Variants in GRM5 observed in about 807,000 individuals in gnomAD.
GRM5 encodes metabotropic glutamate receptor 5.
In GRM5, 19 loss-of-function variants were observed where a neutral mutation model predicts 83.1. That is an observed-to-expected ratio of 0.23 (90% CI 0.16 to 0.34). The LOEUF is 0.34. GRM5 is among the 10% of genes least tolerant of loss of function. The pLI, the probability that GRM5 is intolerant of heterozygous loss-of-function variation, is 1.00. For synonymous variants in GRM5, 675 were observed against 633.6 expected (o/e 1.07, Z -0.98); for missense variants, 1,160 against 1,588.3 (o/e 0.73, Z 4.58).
Position 88,567,487 on chromosome 11 carries a change from G to C in GRM5, c.2196C>G (p.Ile732Met). Residue 732 changes from isoleucine (I) to methionine (M), a missense_variant, in exon 8 of 10, where the codon ATC (isoleucine) becomes ATG (methionine). By Grantham distance (10) the Ile-to-Met change is conservative. Around this residue, in one of 9 missense-constraint regions of GRM5, gnomAD observed 44 missense variants for 41.0 expected, o/e 1.07. Transcript: ENST00000305447. This position sits in a 1 kb window ranked among gnomAD's most constrained non-coding sequence, Gnocchi z 7.3. The part of the protein sequence containing the change: ...DYPSIREVYL[I>M]CNTTNLGVVT... The stretch of plus-strand genomic sequence containing the variant: ...CAACTCCTAGGTTGGTGGTGTTACA[G>C]ATCAGGTAGACTTCTCGAATGCTTG... 1.9e-6 allele frequency: 3 copies of C among 1,614,088 alleles called. No homozygotes were observed. The highest frequency in any genetic ancestry group is 2.5e-6 in the Non-Finnish European group (3 of 1,179,932).
intron 2 of GRM5, among the ~76,000 whole-genome samples, chr11:89,020,871 G>T (rs1331664030): frequency 1.3e-5 from 2 of 151,938 alleles, no homozygotes; most frequent in African/African-American, 2.4e-5. Flanking sequence ...ATCTTATTTG[G>T]CAGGAAAAAG....
chr11:88,969,930 T>C (rs1199125279), intron 2 of GRM5, among the ~76,000 whole-genome samples: 1 of 152,110 alleles, frequency 6.6e-6, no homozygotes, highest in Non-Finnish European at 1.5e-5. Flanking sequence ...TGCCGTACTT[T>C]TATACATGAT....
intron 8 of GRM5, among the ~76,000 whole-genome samples, chr11:88,561,793 C>G (rs1942760679): frequency 6.6e-6 from 1 of 152,094 alleles, no homozygotes; most frequent in Non-Finnish European, 1.5e-5. Context: ...AAATAAAAAT[C>G]TCCCTTTGCT....
At chr11:88,947,529 TGTTA>T (rs1938320488) in intron 2 of GRM5, among the ~76,000 whole-genome samples, 1 of 151,842 alleles carries the variant, frequency 6.6e-6, no homozygotes, top group Non-Finnish European at 1.5e-5. Flanking sequence ...GTCCTTGCAT[TGTTA>T]GTTTTTTTTT....
intron 9 of GRM5, among the ~76,000 whole-genome samples, chr11:88,523,823 G>A (rs1477351737): frequency 6.6e-6 from 1 of 152,124 alleles, no homozygotes; most frequent in Non-Finnish European, 1.5e-5. Flanking sequence ...GAAAAATGTA[G>A]TTATTATTTT....
intron 3 of GRM5, among the ~76,000 whole-genome samples, chr11:88,717,444 T>G (rs1196091587): frequency 1.3e-5 from 2 of 151,914 alleles, no homozygotes; most frequent in African/African-American, 4.8e-5. Context: ...AAAAACCCTA[T>G]ATACTAGATC....
intron 2 of GRM5, among the ~76,000 whole-genome samples, chr11:88,941,340 T>A (rs1237284189): frequency 6.7e-6 from 1 of 149,368 alleles, no homozygotes; most frequent in Non-Finnish European, 1.5e-5. Context: ...CATAACACAT[T>A]TGAACTTAAA....
chr11:88,677,013 G>A (rs559709844), intron 3 of GRM5, among the ~76,000 whole-genome samples: 74 of 152,152 alleles, frequency 4.9e-4, no homozygotes, highest in African/African-American at 1.7e-3. Flanking sequence ...AACTGTGGAA[G>A]TATGGTTAGA....
In GRM5 at chr11:88,869,125, T is replaced by C. The variant is rs192864803; in HGVS notation, c.662-18970A>G. 2.3e-4 allele frequency among the ~76,000 whole-genome samples: 35 copies of C among 151,810 alleles called. No homozygotes were observed. The East Asian group carries it at 5.8e-3, about 25-fold the overall frequency. Reference sequence around the variant, plus strand: ...CTCTGAAGCAGATGGAAGCAGCCAATGTGGCTCCTTTTTTTCCTTTAATCT... The same window carrying C: ...CTCTGAAGCAGATGGAAGCAGCCAACGTGGCTCCTTTTTTTCCTTTAATCT... On this transcript the variant is annotated intron_variant, in intron 2 of 9. Coordinates refer to ENST00000305447, the MANE Select transcript of GRM5 (RefSeq NM_001143831.3).
At chr11:88,715,083 C>T (rs1450996995) in intron 3 of GRM5, among the ~76,000 whole-genome samples, 5 of 151,934 alleles carry the variant, frequency 3.3e-5, no homozygotes, top group East Asian at 1.9e-4. Flanking sequence ...ATGTATATTT[C>T]GCCTTCATAA....
At chr11:89,055,241 C>T (rs1305456103) in intron 1 of GRM5, among the ~76,000 whole-genome samples, 3 of 152,160 alleles carry the variant, frequency 2.0e-5, no homozygotes, top group East Asian at 1.9e-4. Context: ...CATTTATTGG[C>T]GGTGTGTCCT....
At chr11:88,770,805 A>C (rs769394793) in intron 3 of GRM5, among the ~76,000 whole-genome samples, 12 of 152,128 alleles carry the variant, frequency 7.9e-5, no homozygotes, top group Non-Finnish European at 1.6e-4. Context: ...ATGTATTACT[A>C]GAATTTGTCA....
chr11:88,829,742 A>G (rs2648640), intron 3 of GRM5, among the ~76,000 whole-genome samples: 107,688 of 151,994 alleles, frequency 0.71, 38,875 homozygotes, highest in African/African-American at 0.83. Context: ...ATGAATAAAG[A>G]TACAAAACAA....
intron 3 of GRM5, among the ~76,000 whole-genome samples, chr11:88,738,037 T>C (rs1256513044): frequency 1.4e-5 from 2 of 142,866 alleles, no homozygotes; most frequent in Non-Finnish European, 3.0e-5. Context: ...GAAAATAGAT[T>C]TTTAAAATTC....
intron 2 of GRM5, among the ~76,000 whole-genome samples, chr11:88,974,771 A>C (rs185410370): frequency 1.2e-3 from 186 of 152,282 alleles, no homozygotes; most frequent in African/African-American, 4.3e-3. Flanking sequence ...AAAATCTCTT[A>C]TCTCTCATCT....
Position 88,687,555 on chromosome 11 carries a change from TATATATTATATATATATATATATA to T in GRM5, c.912-34176_912-34153del, listed in dbSNP as rs1940668097. 9.2e-3 allele frequency among the ~76,000 whole-genome samples: 24 copies of T among 2,620 alleles called. 4 individuals are homozygous for T. Among genetic ancestry groups the T allele is most frequent in the Admixed American group, 0.015 (2 of 134 alleles). The allele number at this position is 2,620 out of a possible 152,430, so 1.7% of individuals were successfully genotyped here. A position where few individuals can be genotyped will look rare whatever the true frequency, so the allele number is the denominator to read the frequency against. On this transcript the variant is annotated intron_variant, in intron 3 of 9. Coordinates refer to ENST00000305447, the MANE Select transcript of GRM5 (RefSeq NM_001143831.3). ...ATATATATACACACACACACACACATATATATTATATATATATATATATAATATATATATATATATATTCTCCAC... is the reference window on the plus strand; with the variant it reads ...ATATATATACACACACACACACACATATATATATATATATATATTCTCCAC...
chr11:88,978,375 A>G (rs1326014920), intron 2 of GRM5, among the ~76,000 whole-genome samples: 1 of 151,126 alleles, frequency 6.6e-6, no homozygotes, highest in African/African-American at 2.4e-5. Flanking sequence ...TATGTACAGC[A>G]GGGGTGTCTA....
intron 2 of GRM5, among the ~76,000 whole-genome samples, chr11:88,946,483 C>G (rs1207086956): frequency 6.6e-6 from 1 of 152,026 alleles, no homozygotes; most frequent in Non-Finnish European, 1.5e-5. Flanking sequence ...AGAATCAATC[C>G]AGGTGCCCAT....
intron 1 of GRM5, among the ~76,000 whole-genome samples, chr11:89,051,717 G>GATA: frequency 6.6e-6 from 1 of 152,142 alleles, no homozygotes; most frequent in African/African-American, 2.4e-5. Flanking sequence ...CTCAAGAAAA[G>GATA]ATAATAATAA....
Sources: allele counts gnomAD v4.1 joint callset (sites outside exome capture counted in the v4.1 genomes callset), GRCh38; gene constraint gnomAD v4.1.1; regional missense constraint gnomAD v4.1.1; non-coding constraint Gnocchi (gnomAD v3.1); transcripts MANE v1.5; gene names NCBI Gene and HGNC (gene_info 2026-07-23, HGNC 2026-07-21).